CERCAM: variants seen among roughly 807,000 people sequenced by gnomAD.
The protein encoded by CERCAM is inactive glycosyltransferase 25 family member 3.
CERCAM carries 59 observed loss-of-function variants against 66.0 expected under a neutral mutation model. The observed-to-expected ratio is 0.89, with a 90% CI of 0.73 to 1.11. CERCAM has a LOEUF of 1.11. CERCAM is among the 50% of genes most tolerant of loss of function. The pLI is 0.00. For synonymous variants in CERCAM, 318 were observed against 343.6 expected (o/e 0.93, Z 0.83); for missense variants, 840 against 828.3 (o/e 1.01, Z -0.17).
chr9:128,424,766 T>TC (rs1491426870), intron 5 of CERCAM, 152 bp downstream of exon 5: 63 of 143,924 alleles, frequency 4.4e-4, no homozygotes, highest in East Asian at 3.5e-3. Context: ...TTTCTCTCTC[T>TC]TTTTTTTTTT....
chr9:128,420,853 C>A (rs1588611736), upstream of CERCAM: 1 of 1,168,506 alleles, frequency 8.6e-7, no homozygotes, highest in Non-Finnish European at 1.1e-6. The surrounding 1 kb of genome is among the most constrained non-coding windows in gnomAD (Gnocchi z 5.0). Flanking sequence ...CTCCGGGGGC[C>A]GCTGCAGCCG....
At chr9:128,428,168 CCCACAGGT>C in intron 5 of CERCAM, 126 bp from the exon 6 acceptor site, 1 of 1,028,678 alleles carries the variant, frequency 9.7e-7, no homozygotes, top group Non-Finnish European at 1.4e-6. Context: ...TCCCTCTGGT[CCCACAGGT>C]GGGGAAACTG....
At position 128,434,546 on chromosome 9, in the gene CERCAM, T is replaced by G. The variant is rs898513019; in HGVS notation, c.1468T>G (p.Ser490Ala). The G allele has an allele frequency of 1.3e-5, 21 of 1,612,306 alleles. No homozygotes were observed. In the Middle Eastern group the frequency reaches 2.8e-3, roughly 217 times the overall value. The change falls in exon 11 of 13, where the codon TCA (serine) becomes GCA (alanine). Residue 490 changes from serine to alanine, a missense_variant. Transcript: ENST00000372838. This position sits in a 1 kb window ranked among gnomAD's most constrained non-coding sequence, Gnocchi z 4.5. ...RLAGARKLLA[S>A]QPLRRMLPVD... is the part of the protein sequence containing the mutation. Reference sequence around the variant, plus strand: ...GGCGGGTGCCCGCAAGCTGCTGGCCTCACAGCCTCTGCGCCGCATGCTGCC... The same window carrying G: ...GGCGGGTGCCCGCAAGCTGCTGGCCGCACAGCCTCTGCGCCGCATGCTGCC...
Position 128,421,054 on chromosome 9 carries a change from C to A in CERCAM, c.177C>A (p.Pro59=). The A allele has an allele frequency of 7.3e-7, 1 of 1,362,488 alleles. No homozygotes were observed. 84.4% of individuals were successfully genotyped at this position (1,362,488 alleles called of 1,614,324 possible). ...YLGALERLDY[P]RARMALWCAT... is the part of the protein sequence containing the mutation. ...GCGCTCTGGAGCGGCTGGACTACCC[C>A]CGGGCCAGGATGGCCCTCTGGTGAG... Residue 59 remains proline, a synonymous_variant, in exon 1 of 13, where the codon CCC becomes CCA. Coordinates refer to ENST00000372838, the MANE Select transcript of CERCAM (RefSeq NM_016174.5).
chr9:128,431,389 G>T (rs1833973015), intron 9 of CERCAM, 86 bp downstream of exon 9: 2 of 1,532,266 alleles, frequency 1.3e-6, no homozygotes, highest in African/African-American at 1.4e-5. Flanking sequence ...ACGAGTGAGT[G>T]AATGAAGACA....
rs1412093129 is a variant in CERCAM at position 128,424,408 on chromosome 9, AGG to A, written c.562_563del (p.Gly188LeufsTer36). ...ACAGCCCAAAGCATCCCTTTTCCCC[AGG>A]GCTACTACCGCCGCACAGCCGAGTA... On this transcript the variant is annotated splice_acceptor_variant and coding_sequence_variant, in exon 5 of 13. Transcript: ENST00000372838. LOFTEE classifies it high-confidence loss of function. 3 of 1,613,828 alleles carry A rather than the reference AGG, an allele frequency of 1.9e-6. No individual in the cohort carries two copies. The highest frequency in any genetic ancestry group is 2.7e-5 in the African/African-American group (2 of 74,916).
At chr9:128,428,899 C>A in intron 7 of CERCAM, 31 bp from the exon 8 acceptor site, 1 of 1,606,502 alleles carries the variant, frequency 6.2e-7, no homozygotes, top group Non-Finnish European at 8.5e-7. Flanking sequence ...CGCTCCCTTG[C>A]ACTTACCGCC....
At chr9:128,431,344 A>G in intron 9 of CERCAM, 41 bp downstream of exon 9, 2 of 1,611,288 alleles carry the variant, frequency 1.2e-6, no homozygotes, top group Non-Finnish European at 1.7e-6. Context: ...CTTCGGGGAG[A>G]ACGGGGCCAG....
At position 128,424,238 on chromosome 9, in the gene CERCAM, A is replaced by T; in HGVS notation, c.527A>T (p.Tyr176Phe). 1 of 1,614,090 alleles carries T rather than the reference A, an allele frequency of 6.2e-7. No individual in the cohort carries two copies. Among genetic ancestry groups the T allele is most frequent in the Non-Finnish European group, 8.5e-7 (1 of 1,180,002 alleles). Residue 176 changes from tyrosine to phenylalanine, a missense_variant, in exon 4 of 13, where the codon TAC becomes TTC. Transcript: ENST00000372838. Reference sequence around the variant, plus strand: ...GCCCCAATGCTGGACTCCCAGACCTACTACTCCAACTTCTGGTGTGGGATC... The same window carrying T: ...GCCCCAATGCTGGACTCCCAGACCTTCTACTCCAACTTCTGGTGTGGGATC... ...VVAPMLDSQT[Y>F]YSNFWCGITP...
At chr9:128,426,372 C>A (rs1019283461) in intron 5 of CERCAM, among the ~76,000 whole-genome samples, 3 of 152,008 alleles carry the variant, frequency 2.0e-5, no homozygotes, top group Non-Finnish European at 2.9e-5. Flanking sequence ...CGCCTGTAAT[C>A]TAAGCACTTT....
At chr9:128,433,278 CAAAAAAAAAAA>C (rs758064235) in intron 9 of CERCAM, among the ~76,000 whole-genome samples, 4 of 70,628 alleles carry the variant, frequency 5.7e-5, no homozygotes, top group South Asian at 4.6e-4. Flanking sequence ...AACTCCGTCT[CAAAAAAAAAAA>C]AAAAAAAAAA....
intron 1 of CERCAM, chr9:128,421,540 G>C (rs533308001): frequency 1.0e-6 from 1 of 986,558 alleles, no homozygotes; most frequent in Non-Finnish European, 1.2e-6. Flanking sequence ...ACTGGGCTCC[G>C]GGCTGTGCAG....
At chr9:128,435,310 T>G (rs886081236) in intron 11 of CERCAM, among the ~76,000 whole-genome samples, 1 of 152,042 alleles carries the variant, frequency 6.6e-6, no homozygotes, top group Non-Finnish European at 1.5e-5. Flanking sequence ...ATTTTTGTGT[T>G]TTTAGTAGAG....
intron 3 of CERCAM, 35 bp from the exon 4 acceptor site, chr9:128,424,103 G>T: frequency 6.2e-7 from 1 of 1,604,048 alleles, no homozygotes; most frequent in Non-Finnish European, 8.5e-7. Flanking sequence ...TGCAGCCCAG[G>T]CAGGGCTGGA....
At chr9:128,420,803 G>A (rs1453596103), upstream of CERCAM, 1 of 639,942 alleles carries the variant, frequency 1.6e-6, no homozygotes, top group South Asian at 7.4e-5. The surrounding 1 kb of genome is among the most constrained non-coding windows in gnomAD (Gnocchi z 5.0). Context: ...GCCCCGCCCG[G>A]GCCCCAGGCC....
intron 11 of CERCAM, among the ~76,000 whole-genome samples, chr9:128,435,226 A>C (rs1289616667): frequency 6.6e-6 from 1 of 151,920 alleles, no homozygotes; most frequent in Non-Finnish European, 1.5e-5. Context: ...GAACTCCTTG[A>C]CCTCAAGTGA....
At chr9:128,425,012 C>CG (rs35215724) in intron 5 of CERCAM, among the ~76,000 whole-genome samples, 46,355 of 150,130 alleles carry the variant, frequency 0.31, 9,544 homozygotes, top group African/African-American at 0.59. Flanking sequence ...TGTGAGCCAC[C>CG]CGCCCAGCCA....
At position 128,423,224 on chromosome 9, in the gene CERCAM, C is replaced by T. The variant is rs760142707; in HGVS notation, c.387C>T (p.Ala129=). The T allele has an allele frequency of 1.2e-6, 2 of 1,614,106 alleles. No homozygotes were observed. Among genetic ancestry groups the T allele is most frequent in the African/African-American group, 1.3e-5 (1 of 75,050 alleles). The part of the protein sequence containing the change: ...HQFLMELKQE[A]LTFARNWGAD... ...TTCTGATGGAGCTGAAGCAGGAAGC[C>T]CTCACCTTTGCCAGGAACTGGGGGG... The change falls in exon 3 of 13, where the codon GCC becomes GCT. Residue 129 remains alanine, a synonymous_variant. Transcript: ENST00000372838.
intron 9 of CERCAM, among the ~76,000 whole-genome samples, chr9:128,433,505 A>T (rs908711754): frequency 1.1e-4 from 17 of 151,956 alleles, no homozygotes; most frequent in African/African-American, 2.9e-4. Flanking sequence ...CAGCTGGAGG[A>T]GTGGGAGGGG....
Sources: gnomAD v4.1 joint callset for allele counts (sites outside exome capture counted in the v4.1 genomes callset) on GRCh38, gnomAD v4.1.1 for gene constraint, Gnocchi (gnomAD v3.1) non-coding constraint, MANE v1.5 for transcripts, NCBI Gene and HGNC (gene_info 2026-07-23, HGNC 2026-07-21) for gene names.